Variants in HSPG2 observed in about 807,000 individuals in gnomAD.
HSPG2 encodes basement membrane-specific heparan sulfate proteoglycan core protein.
In HSPG2, 278 loss-of-function variants were observed where a neutral mutation model predicts 526.6. The ratio of observed to expected loss-of-function variants is 0.53; its 90% confidence interval spans 0.48 to 0.58. The LOEUF is 0.58. Ranked by LOEUF, HSPG2 falls within the 20% of genes least tolerant of loss-of-function variation. HSPG2 has a pLI of 0.00. For missense variants in HSPG2, 5,354 were observed against 6,099.5 expected, an observed-to-expected ratio of 0.88 and a Z score of 4.07; for synonymous variants, 2,465 against 2,555.4, an observed-to-expected ratio of 0.96 and a Z score of 1.07.
chr1:21,882,623 C>G (rs1641601565), intron 13 of HSPG2, among the ~76,000 whole-genome samples: 1 of 152,154 alleles, frequency 6.6e-6, no homozygotes, highest in Admixed American at 6.5e-5. Flanking sequence ...ATGGTACCAG[C>G]AACATGTGGC....
rs1417055360 is a variant in HSPG2 at position 21,829,534 on chromosome 1, T to C, written c.11841A>G (p.Thr3947=). 16 of 1,612,812 alleles carry C rather than the reference T, an allele frequency of 9.9e-6. No individual in the cohort carries two copies. The highest frequency in any genetic ancestry group is 1.4e-5 in the Non-Finnish European group (16 of 1,179,778). The change falls in exon 87 of 97, where the codon ACA becomes ACG. Residue 3947 remains threonine, a synonymous_variant. Transcript: ENST00000374695. Reference sequence around the variant, plus strand: ...CCACGTCCAGGCGTAGCTCGTGGTGTGTGTTGGTGAGGGCGGGCAGTGCCA... The same window carrying C: ...CCACGTCCAGGCGTAGCTCGTGGTGCGTGTTGGTGAGGGCGGGCAGTGCCA... ...SYLALPALTN[T]HHELRLDVEF...
rs151035968 is a variant in HSPG2, at chr1:21,855,807, G to T, written c.5681C>A (p.Thr1894Lys). ...EFRCSATGSP[T>K]PTLEWTGGPG... ...CTCACCTGTCCACTCGAGGGTGGGC[G>T]TGGGGCTCCCTGTGGCGCTGCAGCG... Residue 1894 changes from threonine (T) to lysine (K), a missense_variant, in exon 45 of 97, where the codon ACG becomes AAG. Physicochemically the swap from Thr to Lys is moderately conservative, Grantham distance 78. Transcript: ENST00000374695. 1.3e-5 allele frequency: 21 copies of T among 1,613,092 alleles called. No individual in the cohort carries two copies. The highest frequency in any genetic ancestry group is 1.8e-5 in the Non-Finnish European group (21 of 1,179,924).
intron 1 of HSPG2, among the ~76,000 whole-genome samples, chr1:21,901,303 A>T (rs1643090314): frequency 6.6e-6 from 1 of 152,072 alleles, no homozygotes; most frequent in African/African-American, 2.4e-5. Flanking sequence ...AATTACTTAT[A>T]CAGTAAGTGC....
Position 21,835,565 on chromosome 1 carries a change from C to G in HSPG2, c.10428G>C (p.Gln3476His), listed in dbSNP as rs753288077. Reference protein sequence around the residue: ...CQAHGPWGKAQASAQLVIQAL... With the variant: ...CQAHGPWGKAHASAQLVIQAL... ...CTTGGATAACCAGCTGGGCACTGGC[C>G]TGGGCCTTCCCCCAAGGTCCATGGG... Residue 3476 changes from glutamine (Q) to histidine (H), a missense_variant, in exon 76 of 97, where the codon CAG becomes CAC. Transcript: ENST00000374695. The G allele has an allele frequency of 6.2e-7, 1 of 1,613,966 alleles. No individual in the cohort carries two copies. The highest frequency in any genetic ancestry group is 1.1e-5 in the South Asian group (1 of 91,084).
chr1:21,914,182 T>C (rs1643812023), intron 1 of HSPG2, among the ~76,000 whole-genome samples: 1 of 152,182 alleles, frequency 6.6e-6, no homozygotes, highest in African/African-American at 2.4e-5. Context: ...TGGAGACCGA[T>C]GGACCATAAA....
chr1:21,873,332 C>T (rs1640800802), intron 30 of HSPG2, 43 bp downstream of exon 30: 1 of 1,610,154 alleles, frequency 6.2e-7, no homozygotes. Context: ...GCCCTAGGGA[C>T]TCTGGGTAAC....
At chr1:21,846,863 G>A (rs1445261809) in intron 62 of HSPG2, among the ~76,000 whole-genome samples, 2 of 152,242 alleles carry the variant, frequency 1.3e-5, no homozygotes, top group Admixed American at 6.5e-5. Context: ...AGCCGGGCAC[G>A]GTGGCATGTG....
chr1:21,873,780 G>C (rs1280053928), intron 29 of HSPG2, 145 bp downstream of exon 29: 1 of 687,580 alleles, frequency 1.5e-6, no homozygotes, highest in South Asian at 1.9e-5. Flanking sequence ...CCGAGGAGGG[G>C]AGCTGACTGT....
intron 18 of HSPG2, 80 bp downstream of exon 18, chr1:21,878,914 C>T (rs1419250907): frequency 6.6e-7 from 1 of 1,521,958 alleles, no homozygotes; most frequent in Non-Finnish European, 8.9e-7. Flanking sequence ...TCCAAGTCTC[C>T]TGCCTCCCTG....
chr1:21,855,264 C>T lies in HSPG2; in HGVS notation c.5997+40G>A, dbSNP rs549902939. 1.9e-5 allele frequency: 30 copies of T among 1,580,792 alleles called. No homozygotes were observed. In the African/African-American group the frequency reaches 3.9e-4, roughly 20 times the overall value. On this transcript the variant is annotated intron_variant, in intron 47 of 96. Transcript: ENST00000374695. ...AAGGTGGCTGGGACTCTCTGCAGAGCCTGTGGGCCTCCTCCTCCTGGGTGG... is the reference window on the plus strand; with the variant it reads ...AAGGTGGCTGGGACTCTCTGCAGAGTCTGTGGGCCTCCTCCTCCTGGGTGG...
At position 21,863,188 on chromosome 1, in the gene HSPG2, CA is replaced by C. The variant is rs1490605520; in HGVS notation, c.4740+911del. Among the ~76,000 whole-genome samples the C allele has an allele frequency of 1.0e-4, 15 of 149,372 alleles. No homozygotes were observed. In the South Asian group the frequency reaches 3.0e-3, roughly 30 times the overall value. ...GAGATCGAGACCATCCTGGCTGACA[CA>C]GGTGAAACCCCGCCTCTACTAAAAA... On this transcript the variant is annotated intron_variant, in intron 37 of 96. Transcript: ENST00000374695.
intron 46 of HSPG2, 22 bp downstream of exon 46, chr1:21,855,501 C>T (rs564129349): frequency 4.3e-6 from 7 of 1,611,390 alleles, no homozygotes; most frequent in Non-Finnish European, 5.9e-6. Context: ...TCCCGGCCCC[C>T]ACCCTGAGCC....
rs111668808 is a variant in HSPG2 at position 21,872,025 on chromosome 1, G to A, written c.4221+161C>T. On this transcript the variant is annotated intron_variant, in intron 33 of 96. Coordinates refer to ENST00000374695, the MANE Select transcript of HSPG2 (RefSeq NM_005529.7). The surrounding 1 kb of genome is among the most constrained non-coding windows in gnomAD (Gnocchi z 5.5). ...ATCAAATGGTGTCTGGCTGGCAAGC[G>A]GCAGAGCTGGGGTTCAGACCAATGT... Among the ~76,000 whole-genome samples the A allele has an allele frequency of 3.3e-4, 51 of 152,336 alleles. No homozygotes were observed. Among genetic ancestry groups the A allele is most frequent in the Non-Finnish European group, 5.9e-4 (40 of 68,026 alleles).
chr1:21,851,215 C>T (rs1052834373), intron 55 of HSPG2: 13 of 370,122 alleles, frequency 3.5e-5, no homozygotes, highest in East Asian at 3.2e-4. Flanking sequence ...TCAGGCGATT[C>T]GCCCACCTCG....
chr1:21,934,600 CTTT>C (rs10711347), intron 1 of HSPG2, among the ~76,000 whole-genome samples: 4 of 145,360 alleles, frequency 2.8e-5, no homozygotes, highest in African/African-American at 2.5e-5. Context: ...GTGATGCCCT[CTTT>C]TTTTTTTTTT....
In HSPG2 at chr1:21,854,608, T is replaced by C; in HGVS notation, c.6288+3A>G. ...CCCTGCCATAGGCTCAGGGCCCACA[T>C]ACCTGGGTGTGGGGAGGCAGGCTAC... On this transcript the variant is annotated splice_donor_region_variant and intron_variant, in intron 49 of 96. Transcript: ENST00000374695. The C allele has an allele frequency of 6.4e-7, 1 of 1,559,314 alleles. No homozygotes were observed. Among genetic ancestry groups the C allele is most frequent in the Non-Finnish European group, 8.7e-7 (1 of 1,149,784 alleles).
Position 21,831,323 on chromosome 1 carries a change from G to A in HSPG2, c.11454C>T (p.Gly3818=). 1 of 1,613,930 alleles carries A rather than the reference G, an allele frequency of 6.2e-7. No homozygotes were observed. Among genetic ancestry groups the A allele is most frequent in the African/African-American group, 1.3e-5 (1 of 75,040 alleles). The change falls in exon 84 of 97, where the codon GGC becomes GGT. Residue 3818 remains glycine (G), a splice_region_variant and synonymous_variant. Coordinates refer to ENST00000374695, the MANE Select transcript of HSPG2 (RefSeq NM_005529.7). ...CCTGGATGCGCAGCTCCCGGACACA[G>A]CCTGGGAGGTGAGTGGGCAGGATGA... The part of the protein sequence containing the change: ...PKAGLSSGFI[G]CVRELRIQGE...
intron 1 of HSPG2, among the ~76,000 whole-genome samples, chr1:21,905,985 G>A (rs954483637): frequency 1.3e-5 from 2 of 152,234 alleles, no homozygotes; most frequent in African/African-American, 2.4e-5. Flanking sequence ...ACTCCAGTCC[G>A]GATAAAAGAG....
rs185001234 is a variant in HSPG2 at position 21,902,118 on chromosome 1, C to T, written c.64-5808G>A. On this transcript the variant is annotated intron_variant, in intron 1 of 96. Transcript: ENST00000374695. ...AGACAGCACACAGGAAGGAATCTGT[C>T]GGGGCAGCACTTTGTTGTACAAACT... 3.7e-3 allele frequency among the ~76,000 whole-genome samples: 564 copies of T among 152,340 alleles called. 7 individuals are homozygous for T. Among genetic ancestry groups the T allele is most frequent in the Non-Finnish European group, 3.5e-3 (237 of 68,024 alleles).
Sources: allele counts gnomAD v4.1 joint callset (sites outside exome capture counted in the v4.1 genomes callset), GRCh38; gene constraint gnomAD v4.1.1; non-coding constraint Gnocchi (gnomAD v3.1); transcripts MANE v1.5; gene names NCBI Gene and HGNC (gene_info 2026-07-23, HGNC 2026-07-21).